The following KCNAB1 variants were observed in gnomAD, a reference collection of about 807,000 sequenced individuals.
The protein encoded by KCNAB1 is potassium voltage-gated channel subfamily A regulatory beta subunit 1.
A neutral mutation model predicts 64.6 loss-of-function variants in KCNAB1; 35 were observed. The observed-to-expected ratio is 0.54, with a 90% CI of 0.41 to 0.72. The LOEUF (loss-of-function observed/expected upper bound fraction) is 0.72. Ranked by LOEUF, KCNAB1 falls within the 30% of genes least tolerant of loss-of-function variation. The probability of loss-of-function intolerance (pLI) is 0.00; values close to 1 mark genes in which losing one functional copy is unlikely to be tolerated. For missense variants in KCNAB1, 401 were observed against 512.9 expected, an observed-to-expected ratio of 0.78 and a Z score of 2.11; for synonymous variants, 177 against 183.8, an observed-to-expected ratio of 0.96 and a Z score of 0.30.
chr3:156,134,448 G>T (rs1714182722), intron 1 of KCNAB1, among the ~76,000 whole-genome samples: 1 of 152,218 alleles, frequency 6.6e-6, no homozygotes, highest in East Asian at 1.9e-4. Flanking sequence ...GACCAAGAAA[G>T]AATACATGGT....
chr3:156,125,000 T>C (rs1713568417), intron 1 of KCNAB1, among the ~76,000 whole-genome samples: 1 of 151,898 alleles, frequency 6.6e-6, no homozygotes. Context: ...TAGCTGGGTG[T>C]GGTGGTGCAT....
At chr3:156,152,190 G>C (rs754616648) in intron 1 of KCNAB1, among the ~76,000 whole-genome samples, 8 of 152,180 alleles carry the variant, frequency 5.3e-5, no homozygotes, top group African/African-American at 1.9e-4. Context: ...ACATAAATCC[G>C]GTCCCCTGTG....
At chr3:156,430,265 C>T (rs541115586) in intron 2 of KCNAB1, among the ~76,000 whole-genome samples, 1 of 152,246 alleles carries the variant, frequency 6.6e-6, no homozygotes, top group African/African-American at 2.4e-5. Context: ...TAGGGGAGAA[C>T]TCGAGGAGAG....
chr3:156,140,125 TA>T (rs1417520773), intron 1 of KCNAB1, among the ~76,000 whole-genome samples: 1 of 152,194 alleles, frequency 6.6e-6, no homozygotes, highest in African/African-American at 2.4e-5. Flanking sequence ...TCTTTGTCAA[TA>T]AAAGATAAAA....
chr3:156,479,795 C>T (rs1170425272), intron 8 of KCNAB1, among the ~76,000 whole-genome samples: 1 of 152,070 alleles, frequency 6.6e-6, no homozygotes, highest in East Asian at 1.9e-4. Context: ...AGCAGATCAG[C>T]ACAGACATAA....
rs182038679 is a variant in KCNAB1, at chr3:156,377,439, C to G, written c.276-44177C>G. Among the ~76,000 whole-genome samples the G allele has an allele frequency of 7.1e-4, 108 of 152,114 alleles. 1 individual carries two copies. Among genetic ancestry groups the G allele is most frequent in the African/African-American group, 2.5e-3 (102 of 41,494 alleles). ...TGGAAAACTGGGGAAGAATGCCAGG[C>G]CAGGGAGAAAACAGACCAATGGTTG... On this transcript the variant is annotated intron_variant, in intron 1 of 13. Coordinates refer to ENST00000490337, the MANE Select transcript of KCNAB1 (RefSeq NM_172160.3).
At chr3:156,386,504 A>G (rs1218855528) in intron 1 of KCNAB1, among the ~76,000 whole-genome samples, 1 of 152,154 alleles carries the variant, frequency 6.6e-6, no homozygotes, top group Non-Finnish European at 1.5e-5. Context: ...CTTCAGTGCA[A>G]CAGGTGTGGA....
chr3:156,152,439 C>T (rs920440044), intron 1 of KCNAB1, among the ~76,000 whole-genome samples: 9 of 152,232 alleles, frequency 5.9e-5, no homozygotes, highest in Middle Eastern at 3.4e-3. Flanking sequence ...TTCAGAGTGA[C>T]GGGAGTATGG....
intron 1 of KCNAB1, among the ~76,000 whole-genome samples, chr3:156,186,850 T>C (rs1235869654): frequency 1.6e-4 from 2 of 12,628 alleles, no homozygotes; most frequent in Non-Finnish European, 2.3e-4. Flanking sequence ...CTTAGCATCT[T>C]TTTTTTTTTT....
intron 1 of KCNAB1, among the ~76,000 whole-genome samples, chr3:156,184,530 G>A (rs1213973661): frequency 6.6e-6 from 1 of 152,198 alleles, no homozygotes; most frequent in Non-Finnish European, 1.5e-5. Context: ...GGAGACAGAG[G>A]AATGCAATAT....
intron 7 of KCNAB1, among the ~76,000 whole-genome samples, chr3:156,471,482 TCTCCTGTTTTCCTCTTTCC>T (rs1409377518): frequency 3.3e-5 from 5 of 152,222 alleles, no homozygotes; most frequent in Non-Finnish European, 7.3e-5. Flanking sequence ...TTCTCCTGCT[TCTCCTGTTTTCCTCTTTCC>T]ACAGACGCTG....
intron 5 of KCNAB1, 33 bp downstream of exon 5, chr3:156,459,904 A>G: frequency 6.5e-7 from 1 of 1,534,850 alleles, no homozygotes; most frequent in Non-Finnish European, 9.0e-7. Context: ...TTGTTTTTAA[A>G]AAGGTATTAT....
At chr3:156,225,763 G>T (rs1716116202) in intron 1 of KCNAB1, among the ~76,000 whole-genome samples, 1 of 152,160 alleles carries the variant, frequency 6.6e-6, no homozygotes. Context: ...CAGTAGCTCT[G>T]CTGTATACCA....
chr3:156,143,104 TA>T, intron 1 of KCNAB1: 1 of 1,479,958 alleles, frequency 6.8e-7, no homozygotes, highest in Non-Finnish European at 9.0e-7. Flanking sequence ...TAACCCAAGG[TA>T]TTCACAGCAA....
intron 1 of KCNAB1, among the ~76,000 whole-genome samples, chr3:156,168,390 C>T (rs1042186516): frequency 2.6e-5 from 4 of 152,048 alleles, no homozygotes; most frequent in East Asian, 3.9e-4. Flanking sequence ...AATAAGAATA[C>T]GGTTTTAAAA....
At chr3:156,254,672 CT>C (rs1484942361) in intron 1 of KCNAB1, among the ~76,000 whole-genome samples, 2 of 152,176 alleles carry the variant, frequency 1.3e-5, no homozygotes, top group Admixed American at 6.5e-5. Flanking sequence ...ACCTTTCGTT[CT>C]GTTTTATTTT....
intron 1 of KCNAB1, among the ~76,000 whole-genome samples, chr3:156,312,263 A>G (rs1721960921): frequency 6.6e-6 from 1 of 152,244 alleles, no homozygotes; most frequent in Non-Finnish European, 1.5e-5. Context: ...AGACATGGAT[A>G]TTAAACTTAA....
chr3:156,247,739 T>A (rs1717548100), intron 1 of KCNAB1, among the ~76,000 whole-genome samples: 1 of 152,046 alleles, frequency 6.6e-6, no homozygotes, highest in Non-Finnish European at 1.5e-5. Context: ...ATTTTTTGTA[T>A]TTTTTTAGTA....
intron 1 of KCNAB1, among the ~76,000 whole-genome samples, chr3:156,171,544 T>C (rs1711988935): frequency 9.9e-5 from 15 of 152,228 alleles, no homozygotes; most frequent in Admixed American, 9.8e-4. Context: ...TCCAATTTTA[T>C]ATCATTAGGA....
Sources: gnomAD v4.1 joint callset for allele counts (sites outside exome capture counted in the v4.1 genomes callset) on GRCh38, gnomAD v4.1.1 for gene constraint, MANE v1.5 for transcripts, NCBI Gene and HGNC (gene_info 2026-07-23, HGNC 2026-07-21) for gene names.